ERG: variants seen among roughly 807,000 people sequenced by gnomAD.
ERG encodes transcriptional regulator ERG.
A neutral mutation model predicts 55.3 loss-of-function variants in ERG; 9 were observed. That is an observed-to-expected ratio of 0.16 (90% CI 0.10 to 0.28). ERG has a LOEUF of 0.28. Ranked by LOEUF, ERG falls within the 10% of genes least tolerant of loss-of-function variation. The probability of loss-of-function intolerance (pLI) is 1.00; values close to 1 mark genes in which losing one functional copy is unlikely to be tolerated. For missense variants in ERG, 434 were observed against 631.6 expected (o/e 0.69, Z 3.35); for synonymous variants, 223 against 237.3 (o/e 0.94, Z 0.55).
At chr21:38,538,281 T>C (rs1408950583) in intron 2 of ERG, among the ~76,000 whole-genome samples, 3 of 152,160 alleles carry the variant, frequency 2.0e-5, no homozygotes, top group Non-Finnish European at 4.4e-5. Flanking sequence ...TGAATGTATT[T>C]AATACCACTC....
rs200090742 is a variant in ERG at position 38,518,926 on chromosome 21, C to T, written c.-41+56736G>A. 2.0e-5 allele frequency among the ~76,000 whole-genome samples: 3 copies of T among 151,926 alleles called. No homozygotes were observed. In the East Asian group the frequency reaches 5.8e-4, roughly 29 times the overall value. The stretch of plus-strand genomic sequence containing the variant: ...TTCATATCCAGAATATGTAAAGAAC[C>T]CCCATCAATCAATAAGAATACACAC... On this transcript the variant is annotated intron_variant, in intron 2 of 8. Transcript: ENST00000398897.
At chr21:38,429,100 T>C (rs1276416709) in intron 2 of ERG, among the ~76,000 whole-genome samples, 9 of 152,136 alleles carry the variant, frequency 5.9e-5, no homozygotes, top group Admixed American at 5.2e-4. Context: ...TGTGTCCTCA[T>C]AGCTTAGCTT....
intron 2 of ERG, among the ~76,000 whole-genome samples, chr21:38,438,644 T>C (rs889409424): frequency 3.3e-5 from 5 of 152,230 alleles, no homozygotes; most frequent in Admixed American, 2.6e-4. Context: ...TGTCTCTCGC[T>C]GCACAGGCCC....
At chr21:38,652,978 T>C (rs1245551895) in intron 1 of ERG, among the ~76,000 whole-genome samples, 1 of 152,224 alleles carries the variant, frequency 6.6e-6, no homozygotes, top group Non-Finnish European at 1.5e-5. Context: ...GGCAAGTATG[T>C]TCACCCACTT....
intron 3 of ERG, among the ~76,000 whole-genome samples, chr21:38,404,623 A>G (rs915199637): frequency 2.0e-5 from 3 of 152,158 alleles, no homozygotes; most frequent in Non-Finnish European, 4.4e-5. Flanking sequence ...AGGGAGTTGG[A>G]GCCCTGAGTT....
the ERG span, among the ~76,000 whole-genome samples, chr21:38,369,305 C>T: frequency 6.6e-6 from 1 of 152,096 alleles, no homozygotes; most frequent in Non-Finnish European, 1.5e-5. Flanking sequence ...TAATAATAGC[C>T]ATTCTGACTG....
intron 1 of ERG, among the ~76,000 whole-genome samples, chr21:38,581,672 A>T (rs1008452186): frequency 2.0e-5 from 3 of 152,128 alleles, no homozygotes; most frequent in Non-Finnish European, 4.4e-5. Context: ...ATCTCCATAA[A>T]ATACCCTGAC....
At chr21:38,499,261 A>G (rs895590919), upstream of ERG, among the ~76,000 whole-genome samples, 1 of 152,338 alleles carries the variant, frequency 6.6e-6, no homozygotes, top group Middle Eastern at 3.4e-3. Flanking sequence ...CAGACAACAG[A>G]TCCTCATAGA....
intron 4 of ERG, 87 bp from the exon 5 acceptor site, chr21:38,402,724 AAAAAAAAG>A: frequency 3.5e-6 from 3 of 862,494 alleles, no homozygotes; most frequent in African/African-American, 3.5e-5. Context: ...AAAAAAAAAA[AAAAAAAAG>A]AAAGAAAAAG....
chr21:38,532,717 GAC>G (rs1392972016), intron 2 of ERG, among the ~76,000 whole-genome samples: 2 of 152,186 alleles, frequency 1.3e-5, no homozygotes, highest in African/African-American at 4.8e-5. Context: ...ATCAAAGTCT[GAC>G]ATGGATTTTC....
At chr21:38,586,568 G>C (rs1182141549), upstream of ERG, among the ~76,000 whole-genome samples, 2 of 152,136 alleles carry the variant, frequency 1.3e-5, no homozygotes, top group Non-Finnish European at 1.5e-5. Context: ...AAAAAGACAA[G>C]TGTTGGTGGG....
chr21:38,402,712 C>CAAAAAAAAAA (rs759434219), intron 4 of ERG, 75 bp from the exon 5 acceptor site: 83 of 164,908 alleles, frequency 5.0e-4, no homozygotes, highest in Admixed American at 9.5e-4. Flanking sequence ...ACCTTTCTTA[C>CAAAAAAAAAA]AAAAAAAAAA....
rs1485207513 is a variant in ERG at position 38,403,787 on chromosome 21, G to A, written c.389-78C>T. 1.0e-5 allele frequency: 14 copies of A among 1,398,236 alleles called. No individual in the cohort carries two copies. In the Admixed American group the frequency reaches 1.8e-4, roughly 18 times the overall value. The allele number at this position is 1,398,236 out of a possible 1,614,324, so 86.6% of individuals were successfully genotyped here. On this transcript the variant is annotated intron_variant, in intron 3 of 9. Transcript: ENST00000288319. ...CTTGGGGTAGATCCCCATCCACGTG[G>A]GATTTCTGACCAGCTGCCTTCCACA...
At chr21:38,372,169 A>G in the ERG span, among the ~76,000 whole-genome samples, 1 of 152,196 alleles carries the variant, frequency 6.6e-6, no homozygotes, top group Middle Eastern at 3.4e-3. Flanking sequence ...GAAAGTCTTT[A>G]GCAACCATAG....
At chr21:38,563,205 C>T (rs1028407816) in intron 2 of ERG, among the ~76,000 whole-genome samples, 1 of 152,208 alleles carries the variant, frequency 6.6e-6, no homozygotes, top group African/African-American at 2.4e-5. Context: ...GGATCCGTGT[C>T]ATCACCTGTT....
At chr21:38,523,002 G>A (rs920677026) in intron 2 of ERG, among the ~76,000 whole-genome samples, 2 of 152,158 alleles carry the variant, frequency 1.3e-5, no homozygotes, top group African/African-American at 4.8e-5. Context: ...ATATGGACTA[G>A]GGTAGTTACT....
At chr21:38,514,106 T>C (rs1386149176) in intron 2 of ERG, among the ~76,000 whole-genome samples, 3 of 151,582 alleles carry the variant, frequency 2.0e-5, no homozygotes, top group Non-Finnish European at 4.4e-5. Context: ...CTATAATTAT[T>C]AAAGACATTG....
chr21:38,562,870 T>G (rs1200005205), intron 2 of ERG, among the ~76,000 whole-genome samples: 1 of 152,134 alleles, frequency 6.6e-6, no homozygotes, highest in African/African-American at 2.4e-5. Flanking sequence ...TATAAAAGTG[T>G]GCGTGTTTGT....
In ERG at chr21:38,545,159, T is replaced by C. The variant is rs188114617; in HGVS notation, c.-41+30503A>G. 2.8e-3 allele frequency among the ~76,000 whole-genome samples: 433 copies of C among 152,346 alleles called. 4 individuals are homozygous for C. The highest frequency in any genetic ancestry group is 9.8e-3 in the African/African-American group (407 of 41,590). ...CTTCCTATATAATTCTCTACACAGC[T>C]GCTGAAAACCTTCCTTTCTGCTGCC... On this transcript the variant is annotated intron_variant, in intron 2 of 8. Transcript: ENST00000398897.
Sources: allele counts gnomAD v4.1 joint callset (sites outside exome capture counted in the v4.1 genomes callset), GRCh38; gene constraint gnomAD v4.1.1; transcripts MANE v1.5; gene names NCBI Gene and HGNC (gene_info 2026-07-23, HGNC 2026-07-21).